Variants in SLC25A26 observed in about 807,000 individuals in gnomAD.
SLC25A26 encodes the protein mitochondrial S-adenosylmethionine carrier protein.
SLC25A26 carries 36 observed loss-of-function variants against 37.8 expected under a neutral mutation model. The ratio of observed to expected loss-of-function variants is 0.95; its 90% CI spans 0.73 to 1.26. The LOEUF is 1.26. Ranked by LOEUF, SLC25A26 falls within the 50% of genes most tolerant of loss-of-function variation. The pLI is 0.00. For missense variants in SLC25A26, 390 were observed against 331.1 expected, an observed-to-expected ratio of 1.18 and a Z score of -1.38; for synonymous variants, 129 against 122.5, an observed-to-expected ratio of 1.05 and a Z score of -0.35.
At chr3:66,345,593 C>CCTT (rs2076302815) in intron 5 of SLC25A26, among the ~76,000 whole-genome samples, 1 of 151,240 alleles carries the variant, frequency 6.6e-6, no homozygotes, top group African/African-American at 2.4e-5. Flanking sequence ...TTTTCTTCCA[C>CCTT]TCCTTTCTCT....
intron 5 of SLC25A26, among the ~76,000 whole-genome samples, chr3:66,301,569 A>G (rs2075077001): frequency 6.6e-6 from 1 of 152,246 alleles, no homozygotes; most frequent in African/African-American, 2.4e-5. Context: ...ACTGAATCCT[A>G]CTAGGCCAAC....
chr3:66,277,085 T>G (rs778794948), intron 5 of SLC25A26, among the ~76,000 whole-genome samples: 3 of 152,110 alleles, frequency 2.0e-5, no homozygotes. Context: ...TTGTATTTAT[T>G]TGGGTTCTAA....
chr3:66,154,540 C>CT (rs60639995), intron 1 of SLC25A26, among the ~76,000 whole-genome samples: 3,505 of 130,330 alleles, frequency 0.027, 74 homozygotes, highest in South Asian at 0.039. Flanking sequence ...TTCTTTTTTT[C>CT]TTTTTTTTTT....
chr3:66,266,103 G>T lies in SLC25A26; in HGVS notation c.453+2724G>T, dbSNP rs561216469. Among the ~76,000 whole-genome samples, 42 of 152,272 alleles carry T rather than the reference G, an allele frequency of 2.8e-4. 1 individual carries two copies. The South Asian group carries it at 8.7e-3, about 32-fold the overall frequency. ...AGTGTGACCTCACTGAGATGACTTT[G>T]TTTACTCAAAATGGCAGCGTTTTGT... is the stretch of plus-strand genomic sequence containing the variant. On this transcript the variant is annotated intron_variant, in intron 5 of 9. Coordinates refer to ENST00000354883, the MANE Select transcript of SLC25A26 (RefSeq NM_001379210.1).
intron 5 of SLC25A26, among the ~76,000 whole-genome samples, chr3:66,281,103 C>T (rs563399807): frequency 1.1e-3 from 174 of 152,192 alleles, no homozygotes; most frequent in African/African-American, 3.8e-3. Context: ...TTGTAGAGTC[C>T]GAGATATTTA....
intron 1 of SLC25A26, among the ~76,000 whole-genome samples, chr3:66,182,182 CA>C (rs1484576579): frequency 1.3e-5 from 2 of 152,132 alleles, no homozygotes; most frequent in Non-Finnish European, 2.9e-5. Context: ...CAGAAATTCC[CA>C]AATGGGAGGT....
At chr3:66,185,097 C>T (rs1292680003) in intron 1 of SLC25A26, among the ~76,000 whole-genome samples, 3 of 152,292 alleles carry the variant, frequency 2.0e-5, no homozygotes, top group African/African-American at 4.8e-5. Flanking sequence ...ACTCTGTACC[C>T]GTTAAATAAC....
upstream of SLC25A26, chr3:66,220,894 C>A: frequency 1.6e-6 from 1 of 627,648 alleles, no homozygotes; most frequent in African/African-American, 1.9e-5. Context: ...CCACCACACT[C>A]CCCGAGGCCC....
intron 5 of SLC25A26, among the ~76,000 whole-genome samples, chr3:66,333,928 G>A (rs566169017): frequency 2.6e-5 from 4 of 152,246 alleles, no homozygotes; most frequent in South Asian, 2.1e-4. Flanking sequence ...TGCAGGTCCC[G>A]GGGCTGTGTT....
At chr3:66,372,246 G>A (rs1434604210) in intron 9 of SLC25A26, among the ~76,000 whole-genome samples, 2 of 152,206 alleles carry the variant, frequency 1.3e-5, no homozygotes, top group East Asian at 1.9e-4. Flanking sequence ...GTTTGATTCT[G>A]TGGCAACTGT....
chr3:66,258,973 C>T (rs1414572382), intron 3 of SLC25A26, among the ~76,000 whole-genome samples: 1 of 152,020 alleles, frequency 6.6e-6, no homozygotes, highest in East Asian at 1.9e-4. Flanking sequence ...TGCTCCATAG[C>T]TGCATGGGCT....
intron 1 of SLC25A26, among the ~76,000 whole-genome samples, chr3:66,201,078 G>A (rs2071102338): frequency 1.3e-5 from 2 of 152,142 alleles, no homozygotes; most frequent in African/African-American, 4.8e-5. Flanking sequence ...TGGACTGACT[G>A]TTCTTTGTCA....
intron 7 of SLC25A26, among the ~76,000 whole-genome samples, chr3:66,363,401 C>G (rs1225129480): frequency 6.6e-6 from 1 of 151,966 alleles, no homozygotes; most frequent in Non-Finnish European, 1.5e-5. Context: ...CCATAACTTA[C>G]TGAAGGGTAA....
At chr3:66,341,980 A>G (rs933385508) in intron 5 of SLC25A26, among the ~76,000 whole-genome samples, 1 of 151,994 alleles carries the variant, frequency 6.6e-6, no homozygotes, top group African/African-American at 2.4e-5. Flanking sequence ...CTTCAACTTC[A>G]TTTGTCCTTG....
intron 3 of SLC25A26, among the ~76,000 whole-genome samples, chr3:66,260,652 G>A (rs1407731248): frequency 6.6e-6 from 1 of 152,146 alleles, no homozygotes; most frequent in Non-Finnish European, 1.5e-5. Flanking sequence ...CTTGTCATGG[G>A]GTGCTCGGGC....
intron 1 of SLC25A26, among the ~76,000 whole-genome samples, chr3:66,157,408 A>G (rs916839481): frequency 6.6e-6 from 1 of 152,234 alleles, no homozygotes; most frequent in Non-Finnish European, 1.5e-5. Flanking sequence ...TAGGCAACAC[A>G]GTGAGACTCC....
rs201248091 is a variant in SLC25A26, at chr3:66,302,013, TA to T, written c.453+38637del. Among the ~76,000 whole-genome samples, 784 of 152,346 alleles carry T rather than the reference TA, an allele frequency of 5.1e-3. 12 individuals are homozygous for T. The highest frequency in any genetic ancestry group is 0.014 in the African/African-American group (584 of 41,572). On this transcript the variant is annotated intron_variant, in intron 5 of 9. Transcript: ENST00000354883. ...ACAGTGCCTGAAATACAGTCCTATA[TA>T]AATGTTATAATTTATGATTATTGTT... is the stretch of plus-strand genomic sequence containing the variant.
intron 1 of SLC25A26, 127 bp downstream of exon 1, chr3:66,221,254 A>T: frequency 9.7e-7 from 1 of 1,036,172 alleles, no homozygotes; most frequent in Non-Finnish European, 1.3e-6. Flanking sequence ...ACTGGCAGCC[A>T]GGTCTGAGAG....
At chr3:66,140,184 G>C (rs1576590658) in intron 1 of SLC25A26, among the ~76,000 whole-genome samples, 1 of 152,176 alleles carries the variant, frequency 6.6e-6, no homozygotes, top group African/African-American at 2.4e-5. Context: ...ACACTTGCAA[G>C]TACAATGGAA....
Sources: allele counts gnomAD v4.1 joint callset (sites outside exome capture counted in the v4.1 genomes callset), GRCh38; gene constraint gnomAD v4.1.1; transcripts MANE v1.5; gene names NCBI Gene and HGNC (gene_info 2026-07-23, HGNC 2026-07-21).